Variants in ASZ1 observed in about 807,000 individuals in gnomAD.
The protein encoded by ASZ1 is ankyrin repeat, SAM and basic leucine zipper domain-containing protein 1.
A neutral mutation model predicts 61.8 loss-of-function variants in ASZ1; 67 were observed. That is an observed-to-expected ratio of 1.08 (90% CI 0.89 to 1.33). ASZ1 has a LOEUF of 1.33. ASZ1 is among the 40% of genes most tolerant of loss of function. The pLI, the probability that ASZ1 is intolerant of heterozygous loss-of-function variation, is 0.00. For synonymous variants in ASZ1, 193 were observed against 192.7 expected (o/e 1.00, Z -0.01); for missense variants, 577 against 554.5 (o/e 1.04, Z -0.41).
At chr7:117,425,503 C>T (rs975714447) in intron 2 of ASZ1, among the ~76,000 whole-genome samples, 10 of 151,872 alleles carry the variant, frequency 6.6e-5, no homozygotes, top group African/African-American at 9.6e-5. Flanking sequence ...CTCCTGACCT[C>T]GTGATCCGCC....
chr7:117,378,906 T>C (rs757887630), intron 10 of ASZ1, among the ~76,000 whole-genome samples: 5 of 151,526 alleles, frequency 3.3e-5, no homozygotes, highest in Non-Finnish European at 7.4e-5. Context: ...TCAAGAAAAT[T>C]AGGATGATTG....
At chr7:117,405,283 T>A (rs776131631) in intron 4 of ASZ1, among the ~76,000 whole-genome samples, 5 of 152,220 alleles carry the variant, frequency 3.3e-5, no homozygotes, top group African/African-American at 9.6e-5. Flanking sequence ...CATTCTGTCA[T>A]TTTGTTTGCA....
At position 117,367,384 on chromosome 7, in the gene ASZ1, T is replaced by C. The variant is rs1223665460; in HGVS notation, c.1243A>G (p.Lys415Glu). The C allele has an allele frequency of 1.9e-6, 3 of 1,562,632 alleles. No individual in the cohort carries two copies. The highest frequency in any genetic ancestry group is 2.6e-6 in the Non-Finnish European group (3 of 1,157,432). Residue 415 changes from lysine (K) to glutamate (E), a missense_variant, in exon 12 of 13, where the codon AAG becomes GAG. Lys to Glu is a moderately conservative substitution (Grantham distance 56). Coordinates refer to ENST00000284629, the MANE Select transcript of ASZ1 (RefSeq NM_130768.3). ...ATTAGGTCTTTTAGTTTGCAGACCTTTTCACTCAAATCTTCAACATTATTA... is the reference window on the plus strand; with the variant it reads ...ATTAGGTCTTTTAGTTTGCAGACCTCTTCACTCAAATCTTCAACATTATTA... The part of the protein sequence containing the change: ...LVNNVEDLSE[K>E]VCKLKDLIQK...
chr7:117,421,603 T>C (rs1359920685), intron 3 of ASZ1, among the ~76,000 whole-genome samples: 1 of 152,174 alleles, frequency 6.6e-6, no homozygotes, highest in Non-Finnish European at 1.5e-5. Context: ...GACAGAAATT[T>C]ATGTAAAATA....
intron 6 of ASZ1, 148 bp downstream of exon 6, chr7:117,384,578 G>A (rs1796311760): frequency 6.5e-6 from 6 of 928,462 alleles, no homozygotes; most frequent in Non-Finnish European, 9.1e-6. Flanking sequence ...CTCATTACCT[G>A]GCTGGAGGAA....
chr7:117,417,399 T>G (rs760504249), intron 4 of ASZ1, among the ~76,000 whole-genome samples: 6 of 152,208 alleles, frequency 3.9e-5, no homozygotes, highest in Non-Finnish European at 8.8e-5. Flanking sequence ...GATCTGTTTT[T>G]CTCCTTGACA....
In ASZ1 at chr7:117,407,455, G is replaced by C. The variant is rs1796807212; in HGVS notation, c.440+12708C>G. Reference sequence around the variant, plus strand: ...ACAGTAGTCCCTGCTTTATCCATGGGGGATATGCTCCAAGACCCCCAGTGG... The same window carrying C: ...ACAGTAGTCCCTGCTTTATCCATGGCGGATATGCTCCAAGACCCCCAGTGG... On this transcript the variant is annotated intron_variant, in intron 4 of 12. Coordinates refer to ENST00000284629, the MANE Select transcript of ASZ1 (RefSeq NM_130768.3). Among the ~76,000 whole-genome samples the C allele has an allele frequency of 4.0e-5, 6 of 151,878 alleles. No individual in the cohort carries two copies. The South Asian group carries it at 1.2e-3, about 32-fold the overall frequency.
chr7:117,426,183 T>C (rs1797206730), intron 2 of ASZ1, among the ~76,000 whole-genome samples: 1 of 151,522 alleles, frequency 6.6e-6, no homozygotes, highest in Non-Finnish European at 1.5e-5. Flanking sequence ...GAACCATTTC[T>C]TAAGAAACAT....
rs373045437 is a variant in ASZ1, at chr7:117,422,358, G to T, written c.207C>A (p.Gly69=). The change falls in exon 3 of 13, where the codon GGC becomes GGA. Residue 69 remains glycine, a splice_region_variant and synonymous_variant. Coordinates refer to ENST00000284629, the MANE Select transcript of ASZ1 (RefSeq NM_130768.3). Reference sequence around the variant, plus strand: ...ACTGAAAGTTGGAATCTACACTAATGCCTGTCAATATAAAAACAAGCTTTT... The same window carrying T: ...ACTGAAAGTTGGAATCTACACTAATTCCTGTCAATATAAAAACAAGCTTTT... ...VSLVQELLDS[G]ISVDSNFQYG... 5 of 1,607,182 alleles carry T rather than the reference G, an allele frequency of 3.1e-6. No homozygotes were observed. The African/African-American group carries it at 5.4e-5, about 17-fold the overall frequency.
intron 4 of ASZ1, among the ~76,000 whole-genome samples, chr7:117,390,146 A>G (rs912032388): frequency 6.7e-6 from 1 of 150,208 alleles, no homozygotes; most frequent in South Asian, 2.1e-4. Flanking sequence ...TGATGGGCAC[A>G]TAGGTTGGTT....
intron 4 of ASZ1, among the ~76,000 whole-genome samples, chr7:117,390,026 A>G (rs1174806673): frequency 1.3e-5 from 2 of 152,108 alleles, no homozygotes; most frequent in Non-Finnish European, 2.9e-5. Flanking sequence ...CATTTAGGAT[A>G]ATGGCCTCCA....
At chr7:117,411,643 C>T (rs976081177) in intron 4 of ASZ1, among the ~76,000 whole-genome samples, 2 of 151,824 alleles carry the variant, frequency 1.3e-5, no homozygotes, top group African/African-American at 2.4e-5. Context: ...ACAGAATTAA[C>T]GCGTACCAAG....
intron 4 of ASZ1, among the ~76,000 whole-genome samples, chr7:117,408,537 C>G (rs572207507): frequency 1.3e-5 from 2 of 152,214 alleles, no homozygotes; most frequent in South Asian, 4.1e-4. Context: ...TAAAGAACAT[C>G]TCAACAAATT....
intron 4 of ASZ1, among the ~76,000 whole-genome samples, chr7:117,388,159 ATAAAT>A (rs1796395775): frequency 6.6e-6 from 1 of 152,192 alleles, no homozygotes; most frequent in Non-Finnish European, 1.5e-5. Flanking sequence ...ATTAGTAATT[ATAAAT>A]TAAATTAAAT....
intron 4 of ASZ1, among the ~76,000 whole-genome samples, chr7:117,404,694 G>A (rs144490320): frequency 1.3e-5 from 2 of 152,170 alleles, no homozygotes; most frequent in South Asian, 2.1e-4. Context: ...CCCAGAGGAG[G>A]TCCTGCAACT....
intron 4 of ASZ1, among the ~76,000 whole-genome samples, chr7:117,416,136 G>A (rs1397839775): frequency 1.3e-5 from 2 of 151,968 alleles, no homozygotes; most frequent in Non-Finnish European, 2.9e-5. Flanking sequence ...GCAGGGAGCG[G>A]AGATCTGACA....
chr7:117,415,744 T>G (rs990072499), intron 4 of ASZ1, among the ~76,000 whole-genome samples: 3 of 151,836 alleles, frequency 2.0e-5, no homozygotes, highest in Non-Finnish European at 4.4e-5. Flanking sequence ...GAATGAAAAC[T>G]GAAAAAAATG....
At chr7:117,403,298 C>T (rs1218536937) in intron 4 of ASZ1, among the ~76,000 whole-genome samples, 4 of 152,110 alleles carry the variant, frequency 2.6e-5, no homozygotes, top group Non-Finnish European at 2.9e-5. Flanking sequence ...TTTGCACAGG[C>T]CATACAGGGT....
At chr7:117,382,697 T>C (rs1796277862) in intron 7 of ASZ1, among the ~76,000 whole-genome samples, 1 of 152,214 alleles carries the variant, frequency 6.6e-6, no homozygotes, top group East Asian at 1.9e-4. Flanking sequence ...GAAAACAAGG[T>C]GTTATACTGT....
Sources: allele counts gnomAD v4.1 joint callset (sites outside exome capture counted in the v4.1 genomes callset), GRCh38; gene constraint gnomAD v4.1.1; transcripts MANE v1.5; gene names NCBI Gene and HGNC (gene_info 2026-07-23, HGNC 2026-07-21).